Variants in HDAC9 observed in about 807,000 individuals in gnomAD.
HDAC9 encodes the protein MEF-2 interacting transcription repressor (MITR) protein.
In HDAC9, 41 loss-of-function variants were observed where a neutral mutation model predicts 139.4. That is an observed-to-expected ratio of 0.29 (90% confidence interval 0.23 to 0.38). The LOEUF (loss-of-function observed/expected upper bound fraction) is 0.38, where lower values mean the gene tolerates loss of function less well. HDAC9 is among the 10% of genes least tolerant of loss of function. HDAC9 has a pLI of 1.00. For synonymous variants in HDAC9, 517 were observed against 476.2 expected (o/e 1.09, Z -1.12); for missense variants, 1,147 against 1,297.0 (o/e 0.88, Z 1.78).
chr7:18,509,143 A>G, intron 2 of HDAC9: 1 of 357,240 alleles, frequency 2.8e-6, no homozygotes. Flanking sequence ...AGGTTGGACA[A>G]ACATTTTTGA....
intron 17 of HDAC9, among the ~76,000 whole-genome samples, chr7:18,805,217 C>G (rs1793609776): frequency 6.6e-6 from 1 of 152,204 alleles, no homozygotes; most frequent in Non-Finnish European, 1.5e-5. Flanking sequence ...AAGGAAATCA[C>G]TCATGTCCAC....
chr7:18,293,943 T>G (rs1797981238), intron 1 of HDAC9, among the ~76,000 whole-genome samples: 1 of 152,166 alleles, frequency 6.6e-6, no homozygotes, highest in African/African-American at 2.4e-5. Flanking sequence ...CTTGATTTAA[T>G]TATTAACTTA....
intron 1 of HDAC9, among the ~76,000 whole-genome samples, chr7:18,433,292 A>T (rs2128765287): frequency 6.6e-6 from 1 of 152,334 alleles, no homozygotes; most frequent in African/African-American, 2.4e-5. Flanking sequence ...CAACATACTG[A>T]ACAGGCAAAA....
chr7:18,529,038 C>G (rs1008351949), intron 2 of HDAC9, among the ~76,000 whole-genome samples: 1 of 152,058 alleles, frequency 6.6e-6, no homozygotes, highest in African/African-American at 2.4e-5. Flanking sequence ...TCTTTATTCC[C>G]AAACATTTGT....
intron 2 of HDAC9, among the ~76,000 whole-genome samples, chr7:18,583,265 A>G (rs1003895261): frequency 6.6e-6 from 1 of 152,218 alleles, no homozygotes; most frequent in East Asian, 1.9e-4. Flanking sequence ...TACTGTTACT[A>G]TCTCCAAGTT....
chr7:18,917,524 T>C (rs1421917337), intron 22 of HDAC9, among the ~76,000 whole-genome samples: 1 of 151,896 alleles, frequency 6.6e-6, no homozygotes, highest in Non-Finnish European at 1.5e-5. Flanking sequence ...GTCTGAACGT[T>C]GTGGTGGGGG....
intron 6 of HDAC9, among the ~76,000 whole-genome samples, chr7:18,601,147 T>G (rs890809215): frequency 7.2e-5 from 11 of 152,226 alleles, no homozygotes; most frequent in Non-Finnish European, 1.5e-5. Flanking sequence ...TTTGATTTCT[T>G]TCATCAAAGT....
intron 13 of HDAC9, among the ~76,000 whole-genome samples, chr7:18,732,902 C>CACACACGT (rs1562893438): frequency 1.6e-5 from 1 of 61,194 alleles, no homozygotes; most frequent in African/African-American, 1.1e-4. Flanking sequence ...TACACACACA[C>CACACACGT]GTGTGCGTAT....
chr7:18,572,680 A>G (rs1235606909), intron 2 of HDAC9, among the ~76,000 whole-genome samples: 2 of 152,174 alleles, frequency 1.3e-5, no homozygotes, highest in Non-Finnish European at 2.9e-5. Flanking sequence ...GTACATTTAT[A>G]TCAAATTGAA....
intron 2 of HDAC9, among the ~76,000 whole-genome samples, chr7:18,245,320 C>T (rs1405673853): frequency 6.6e-6 from 1 of 152,204 alleles, no homozygotes; most frequent in Non-Finnish European, 1.5e-5. Context: ...CATATGTCTT[C>T]CAACCTGTAG....
At chr7:18,734,509 T>C (rs1167140001) in intron 13 of HDAC9, among the ~76,000 whole-genome samples, 3 of 152,184 alleles carry the variant, frequency 2.0e-5, no homozygotes, top group Admixed American at 6.6e-5. Context: ...GATAGTTTGC[T>C]GAGAATGGTG....
At chr7:18,191,456 C>A (rs935735403) in intron 2 of HDAC9, among the ~76,000 whole-genome samples, 7 of 152,152 alleles carry the variant, frequency 4.6e-5, no homozygotes, top group African/African-American at 1.7e-4. Flanking sequence ...TTTCTCAATT[C>A]CTGAGAGAAT....
chr7:18,794,261 C>T lies in HDAC9; in HGVS notation c.2322+809C>T, dbSNP rs568547841. Among the ~76,000 whole-genome samples, 5 of 152,186 alleles carry T rather than the reference C, an allele frequency of 3.3e-5. No individual in the cohort carries two copies. In the South Asian group the frequency reaches 8.3e-4, roughly 25 times the overall value. ...ATTGATTCGGTATTTTTAGCAATTG[C>T]GGGGCTTAGGGAAATATATTATGAC... On this transcript the variant is annotated intron_variant, in intron 17 of 25. Transcript: ENST00000686413.
intron 25 of HDAC9, among the ~76,000 whole-genome samples, chr7:18,984,295 T>A (rs928905812): frequency 1.3e-5 from 2 of 152,018 alleles, no homozygotes; most frequent in African/African-American, 4.8e-5. Context: ...GTGCAAACTT[T>A]GGGAAAGGAA....
intron 1 of HDAC9, among the ~76,000 whole-genome samples, chr7:18,409,391 T>C (rs1336889169): frequency 6.6e-6 from 1 of 152,006 alleles, no homozygotes; most frequent in Non-Finnish European, 1.5e-5. Context: ...AAGGAATCTT[T>C]ATGGATCTCA....
At chr7:18,182,742 A>G (rs116747042) in intron 2 of HDAC9, among the ~76,000 whole-genome samples, 1,532 of 152,334 alleles carry the variant, frequency 0.01, 19 homozygotes, top group African/African-American at 0.035. Context: ...CCTTAATTCC[A>G]GAGTTTGTAT....
intron 24 of HDAC9, among the ~76,000 whole-genome samples, chr7:18,959,403 T>C (rs1356294643): frequency 6.6e-6 from 1 of 152,146 alleles, no homozygotes; most frequent in African/African-American, 2.4e-5. Context: ...GTCAACCAAT[T>C]TTGTAGACTT....
intron 2 of HDAC9, among the ~76,000 whole-genome samples, chr7:18,559,448 A>G (rs1263126784): frequency 6.6e-6 from 1 of 152,142 alleles, no homozygotes; most frequent in East Asian, 1.9e-4. Context: ...TCTCTAAATG[A>G]ATTCTCTGAA....
At chr7:18,920,276 A>T (rs1803576956) in intron 22 of HDAC9, among the ~76,000 whole-genome samples, 1 of 152,060 alleles carries the variant, frequency 6.6e-6, no homozygotes, top group African/African-American at 2.4e-5. Context: ...ATGGGAGTTC[A>T]CTCATGATTT....
Sources: gnomAD v4.1 joint callset for allele counts (sites outside exome capture counted in the v4.1 genomes callset) on GRCh38, gnomAD v4.1.1 for gene constraint, MANE v1.5 for transcripts, NCBI Gene and HGNC (gene_info 2026-07-23, HGNC 2026-07-21) for gene names.